FARS2: variants seen among roughly 807,000 people sequenced by gnomAD.
The protein encoded by FARS2 is phenylalanyl-tRNA synthetase 2, mitochondrial.
FARS2 carries 40 observed loss-of-function variants against 46.4 expected under a neutral mutation model. That is an observed-to-expected ratio of 0.86 (90% CI 0.67 to 1.12). The LOEUF (loss-of-function observed/expected upper bound fraction) is 1.12, where lower values mean the gene tolerates loss of function less well. Ranked by LOEUF, FARS2 falls within the 50% of genes most tolerant of loss-of-function variation. The probability of loss-of-function intolerance (pLI) is 0.00; values close to 1 mark genes in which losing one functional copy is unlikely to be tolerated. For missense variants in FARS2, 513 were observed against 567.9 expected (o/e 0.90, Z 0.98); for synonymous variants, 234 against 214.9 (o/e 1.09, Z -0.78).
chr6:5,250,099 T>C, the FARS2 span, among the ~76,000 whole-genome samples: 8 of 152,228 alleles, frequency 5.3e-5, no homozygotes, highest in African/African-American at 1.9e-4. Flanking sequence ...ATTGTACTTT[T>C]TGGCCTAACT....
intron 2 of FARS2, among the ~76,000 whole-genome samples, chr6:5,389,731 A>G (rs890546001): frequency 1.3e-5 from 2 of 152,210 alleles, no homozygotes; most frequent in East Asian, 3.8e-4. Flanking sequence ...TCTTAATGTT[A>G]CAATGGAAAA....
chr6:5,366,566 C>T (rs1758692253), intron 1 of FARS2, among the ~76,000 whole-genome samples: 1 of 152,120 alleles, frequency 6.6e-6, no homozygotes, highest in African/African-American at 2.4e-5. Flanking sequence ...GCAAGAACCT[C>T]AAACTTTCAT....
chr6:5,723,341 C>T (rs569585712), intron 6 of FARS2, among the ~76,000 whole-genome samples: 6 of 152,212 alleles, frequency 3.9e-5, no homozygotes, highest in African/African-American at 1.4e-4. Context: ...CTAGTTATTG[C>T]AAATATCAAG....
chr6:5,627,713 A>G (rs1394633265), intron 6 of FARS2, among the ~76,000 whole-genome samples: 1 of 152,256 alleles, frequency 6.6e-6, no homozygotes, highest in East Asian at 1.9e-4. Context: ...TAAGTACTCA[A>G]TACGTATTTT....
intron 4 of FARS2, among the ~76,000 whole-genome samples, chr6:5,502,236 A>T (rs77963235): frequency 0.019 from 2,822 of 152,326 alleles, 109 homozygotes; most frequent in African/African-American, 0.064. Flanking sequence ...AGTGAGAATT[A>T]TAGCAATTTA....
intron 1 of FARS2, among the ~76,000 whole-genome samples, chr6:5,283,295 C>A (rs1436628337): frequency 2.0e-5 from 3 of 151,186 alleles, no homozygotes; most frequent in Non-Finnish European, 1.5e-5. Context: ...ATCACTTGAA[C>A]CTGGGAGGTG....
chr6:5,427,731 G>A (rs1282349042), intron 3 of FARS2, among the ~76,000 whole-genome samples: 2 of 152,126 alleles, frequency 1.3e-5, no homozygotes, highest in Admixed American at 6.6e-5. Flanking sequence ...AGTTTTCACT[G>A]TGGAGCAGTT....
chr6:5,708,383 C>T (rs1354187756), intron 6 of FARS2, among the ~76,000 whole-genome samples: 1 of 152,162 alleles, frequency 6.6e-6, no homozygotes, highest in Admixed American at 6.5e-5. Flanking sequence ...CCAGCTCACA[C>T]ATTACTCAGG....
intron 6 of FARS2, among the ~76,000 whole-genome samples, chr6:5,637,682 T>G (rs1410932867): frequency 6.6e-6 from 1 of 152,198 alleles, no homozygotes; most frequent in Non-Finnish European, 1.5e-5. Context: ...CAGCAGAAAT[T>G]TATTTCCTTA....
chr6:5,300,464 C>T, intron 1 of FARS2, among the ~76,000 whole-genome samples: 1 of 151,996 alleles, frequency 6.6e-6, no homozygotes. Context: ...TTTGATATGG[C>T]ATTCACATTT....
rs1466263642 is a variant in FARS2, at chr6:5,727,599, T to C, written c.1218-43692T>C. Among the ~76,000 whole-genome samples the C allele has an allele frequency of 6.6e-6, 1 of 152,196 alleles. No homozygotes were observed. The highest frequency in any genetic ancestry group is 2.4e-5 in the African/African-American group (1 of 41,450). On this transcript the variant is annotated intron_variant, in intron 6 of 6. Transcript: ENST00000274680. This position sits in a 1 kb window ranked among gnomAD's most constrained non-coding sequence, Gnocchi z 4.1. ...CCCTGCAGCTGTTACTGTATCCCTG[T>C]CTTCCTACTGAGGCCATGCTTGGGC... is the stretch of plus-strand genomic sequence containing the variant.
intron 1 of FARS2, among the ~76,000 whole-genome samples, chr6:5,280,949 T>A (rs1003922106): frequency 7.2e-5 from 11 of 152,214 alleles, no homozygotes; most frequent in Non-Finnish European, 1.0e-4. Context: ...CTTCCATTTT[T>A]AATTTTTGAT....
intron 6 of FARS2, among the ~76,000 whole-genome samples, chr6:5,758,631 G>T (rs1762332346): frequency 6.6e-6 from 1 of 152,170 alleles, no homozygotes; most frequent in African/African-American, 2.4e-5. Context: ...GCAGAGCAAG[G>T]ATTTCTCTCT....
At chr6:5,251,599 A>G in the FARS2 span, among the ~76,000 whole-genome samples, 1 of 152,204 alleles carries the variant, frequency 6.6e-6, no homozygotes, top group Non-Finnish European at 1.5e-5. Flanking sequence ...TATTGTGAGG[A>G]CAGTACCAAG....
At chr6:5,346,078 A>C (rs1032857856) in intron 1 of FARS2, among the ~76,000 whole-genome samples, 2 of 152,166 alleles carry the variant, frequency 1.3e-5, no homozygotes, top group African/African-American at 2.4e-5. Context: ...CACCCTGACT[A>C]TCAGGGACGT....
chr6:5,317,721 G>A (rs1160645776), intron 1 of FARS2, among the ~76,000 whole-genome samples: 3 of 151,810 alleles, frequency 2.0e-5, no homozygotes, highest in Non-Finnish European at 2.9e-5. Flanking sequence ...TTGAGGCATC[G>A]GTGAGCCATG....
At chr6:5,626,344 C>T (rs968615721) in intron 6 of FARS2, among the ~76,000 whole-genome samples, 2 of 152,094 alleles carry the variant, frequency 1.3e-5, no homozygotes, top group African/African-American at 2.4e-5. Context: ...CCCAGTATCC[C>T]GCAGAGCCCC....
At chr6:5,432,346 ATATAT>A (rs1562036524) in intron 4 of FARS2, among the ~76,000 whole-genome samples, 6 of 32,232 alleles carry the variant, frequency 1.9e-4, no homozygotes, top group African/African-American at 4.4e-4. Flanking sequence ...ATATATATAT[ATATAT>A]TATATATATA....
At position 5,455,742 on chromosome 6, in the gene FARS2, C is replaced by T. The variant is rs1050788986; in HGVS notation, c.904+24570C>T. On this transcript the variant is annotated intron_variant, in intron 4 of 6. Transcript: ENST00000274680. ...AGAGCTTTATACTCAGCATCGGAGG[C>T]CTGGACAATAGTTTTTTAACTAACT... 2.0e-5 allele frequency among the ~76,000 whole-genome samples: 3 copies of T among 151,978 alleles called. No homozygotes were observed. The South Asian group carries it at 6.2e-4, about 31-fold the overall frequency.
Sources: allele counts gnomAD v4.1 joint callset (sites outside exome capture counted in the v4.1 genomes callset), GRCh38; gene constraint gnomAD v4.1.1; non-coding constraint Gnocchi (gnomAD v3.1); transcripts MANE v1.5; gene names NCBI Gene and HGNC (gene_info 2026-07-23, HGNC 2026-07-21).